Variants in GPC5 observed in about 807,000 individuals in gnomAD.
GPC5 encodes the protein glypican-5.
GPC5 carries 47 observed loss-of-function variants against 53.9 expected under a neutral mutation model. That is an observed-to-expected ratio of 0.87 (90% CI 0.69 to 1.11). The LOEUF is 1.11. GPC5 is among the 50% of genes most tolerant of loss of function. The pLI is 0.00. For missense variants in GPC5, 748 were observed against 713.1 expected, an observed-to-expected ratio of 1.05 and a Z score of -0.56; for synonymous variants, 286 against 263.3, an observed-to-expected ratio of 1.09 and a Z score of -0.84.
chr13:91,452,770 A>T (rs1176330778), intron 2 of GPC5, among the ~76,000 whole-genome samples: 1 of 151,962 alleles, frequency 6.6e-6, no homozygotes, highest in African/African-American at 2.4e-5. Flanking sequence ...TAGTTTTTTA[A>T]TTTGTAACTA....
At chr13:92,137,236 A>C (rs1340594213) in intron 6 of GPC5, among the ~76,000 whole-genome samples, 1 of 152,254 alleles carries the variant, frequency 6.6e-6, no homozygotes, top group African/African-American at 2.4e-5. Flanking sequence ...GCCTAAAGGC[A>C]CACAATTAAT....
chr13:92,758,210 T>C (rs1197510856), intron 7 of GPC5, among the ~76,000 whole-genome samples: 10 of 145,710 alleles, frequency 6.9e-5, no homozygotes, highest in Non-Finnish European at 1.1e-4. Context: ...GAAATCATCA[T>C]TCTCAGTAAA....
At chr13:91,635,301 A>G (rs1036339730) in intron 2 of GPC5, among the ~76,000 whole-genome samples, 7 of 152,168 alleles carry the variant, frequency 4.6e-5, no homozygotes, top group Non-Finnish European at 5.9e-5. Flanking sequence ...CGAATTGGAT[A>G]TAATTATTCA....
intron 7 of GPC5, among the ~76,000 whole-genome samples, chr13:92,378,908 G>C (rs1364528187): frequency 6.6e-6 from 1 of 152,104 alleles, no homozygotes; most frequent in East Asian, 1.9e-4. Context: ...CTAACTTTCT[G>C]CAGTGCCATA....
intron 7 of GPC5, among the ~76,000 whole-genome samples, chr13:92,621,391 T>C (rs11620192): frequency 0.016 from 2,429 of 152,230 alleles, 31 homozygotes; most frequent in Admixed American, 0.023. Flanking sequence ...TCTCCAGTCA[T>C]CTCCTTGGGT....
intron 7 of GPC5, among the ~76,000 whole-genome samples, chr13:92,808,441 G>T (rs1263401565): frequency 6.6e-6 from 1 of 152,054 alleles, no homozygotes; most frequent in Non-Finnish European, 1.5e-5. Context: ...ATATTTGGTT[G>T]TTGTTAGAGT....
At chr13:92,801,335 G>A (rs998266759) in intron 7 of GPC5, among the ~76,000 whole-genome samples, 2 of 151,666 alleles carry the variant, frequency 1.3e-5, no homozygotes, top group Admixed American at 1.3e-4. Flanking sequence ...TTGCCTGGTG[G>A]CATCTTAGCT....
chr13:91,939,034 G>A (rs2039899712), intron 6 of GPC5, among the ~76,000 whole-genome samples: 1 of 151,850 alleles, frequency 6.6e-6, no homozygotes, highest in Non-Finnish European at 1.5e-5. Context: ...AACATTTTAG[G>A]AGTTAAGTAA....
At chr13:92,211,139 A>T (rs551124996) in intron 7 of GPC5, among the ~76,000 whole-genome samples, 1 of 152,168 alleles carries the variant, frequency 6.6e-6, no homozygotes, top group East Asian at 1.9e-4. Context: ...TTATTTATTT[A>T]TGAGGAAAAG....
At chr13:92,549,171 G>C (rs770732493) in intron 7 of GPC5, among the ~76,000 whole-genome samples, 3 of 151,950 alleles carry the variant, frequency 2.0e-5, no homozygotes. Flanking sequence ...TACTGAATAA[G>C]GTCCATTCTG....
At chr13:91,503,781 A>AATAATAATAATAATG (rs1566457566) in intron 2 of GPC5, among the ~76,000 whole-genome samples, 1 of 2,660 alleles carries the variant, frequency 3.8e-4, no homozygotes, top group Non-Finnish European at 3.8e-3. Flanking sequence ...TCTGTCTCAA[A>AATAATAATAATAATG]ATAATAATAA....
At chr13:92,236,347 A>T (rs1392740438) in intron 7 of GPC5, among the ~76,000 whole-genome samples, 1 of 152,120 alleles carries the variant, frequency 6.6e-6, no homozygotes, top group Non-Finnish European at 1.5e-5. Flanking sequence ...TTTTATGCTA[A>T]TGCAATATCA....
intron 7 of GPC5, among the ~76,000 whole-genome samples, chr13:92,675,080 T>C (rs1242748144): frequency 2.0e-5 from 3 of 152,164 alleles, no homozygotes; most frequent in Non-Finnish European, 4.4e-5. Context: ...AATACTTCTT[T>C]ACTTTTGATA....
At chr13:92,486,044 A>G (rs1218308637) in intron 7 of GPC5, among the ~76,000 whole-genome samples, 2 of 152,214 alleles carry the variant, frequency 1.3e-5, no homozygotes, top group Non-Finnish European at 1.5e-5. Flanking sequence ...TTCAGGCTGA[A>G]AACTTCCCTT....
At chr13:91,878,914 G>C (rs1054596605) in intron 5 of GPC5, among the ~76,000 whole-genome samples, 1 of 152,008 alleles carries the variant, frequency 6.6e-6, no homozygotes, top group African/African-American at 2.4e-5. Flanking sequence ...TTGTAATTTA[G>C]AGGCTGAAAT....
At chr13:91,887,964 C>T (rs577058652) in intron 5 of GPC5, among the ~76,000 whole-genome samples, 12 of 152,188 alleles carry the variant, frequency 7.9e-5, no homozygotes, top group African/African-American at 1.4e-4. Context: ...GTTTCAAAGT[C>T]GCTGCCACAT....
chr13:91,836,334 T>C, intron 5 of GPC5, among the ~76,000 whole-genome samples: 1 of 152,130 alleles, frequency 6.6e-6, no homozygotes, highest in East Asian at 1.9e-4. Flanking sequence ...TATTTAAATT[T>C]ATGAACACTT....
At chr13:91,644,845 A>C (rs2034520689) in intron 2 of GPC5, among the ~76,000 whole-genome samples, 1 of 152,242 alleles carries the variant, frequency 6.6e-6, no homozygotes, top group Admixed American at 6.5e-5. Flanking sequence ...GGCAAAAAGC[A>C]CTGGAATGAG....
At chr13:92,258,615 C>A (rs2042743623) in intron 7 of GPC5, among the ~76,000 whole-genome samples, 1 of 152,024 alleles carries the variant, frequency 6.6e-6, no homozygotes, top group Non-Finnish European at 1.5e-5. Context: ...GACATTGTAA[C>A]TAGGAGTTAA....
Sources: allele counts gnomAD v4.1 joint callset (sites outside exome capture counted in the v4.1 genomes callset), GRCh38; gene constraint gnomAD v4.1.1; transcripts MANE v1.5; gene names NCBI Gene and HGNC (gene_info 2026-07-23, HGNC 2026-07-21).